The following NSUN2 variants were observed in gnomAD, a reference collection of about 807,000 sequenced individuals.
NSUN2 encodes NOP2/Sun RNA methyltransferase 2.
In NSUN2, 63 loss-of-function variants were observed where a neutral mutation model predicts 92.7. The observed-to-expected ratio is 0.68, with a 90% CI of 0.56 to 0.84. NSUN2 has a LOEUF of 0.84. Ranked by LOEUF, NSUN2 falls within the 40% of genes least tolerant of loss-of-function variation. The pLI, the probability that NSUN2 is intolerant of heterozygous loss-of-function variation, is 0.00. For synonymous variants in NSUN2, 356 were observed against 348.3 expected, an observed-to-expected ratio of 1.02 and a Z score of -0.25; for missense variants, 989 against 964.9, an observed-to-expected ratio of 1.02 and a Z score of -0.33.
intron 9 of NSUN2, among the ~76,000 whole-genome samples, chr5:6,613,596 A>G (rs930962588): frequency 5.9e-5 from 9 of 152,224 alleles, no homozygotes; most frequent in African/African-American, 2.2e-4. Flanking sequence ...AACAAAGCTC[A>G]ACTGCATGCC....
chr5:6,622,037 CG>C lies in NSUN2; in HGVS notation c.600del (p.Asp201ThrfsTer2). The C allele has an allele frequency of 6.2e-7, 1 of 1,613,964 alleles. No homozygotes were observed. The highest frequency in any genetic ancestry group is 1.1e-5 in the South Asian group (1 of 91,072). On this transcript the variant is annotated frameshift_variant, in exon 6 of 19. Transcript: ENST00000264670. LOFTEE classifies it high-confidence loss of function. ...ATACCTGGAAAGGGGACATTCATGTCGGCATGTAGCATTTCAATTAACTGTG... is the reference window on the plus strand; with the variant it reads ...ATACCTGGAAAGGGGACATTCATGTCGCATGTAGCATTTCAATTAACTGTG... ...KTTQLIEMLH[A>X]DMNVPFPEGF...
Position 6,632,059 on chromosome 5 carries a change from T to C in NSUN2, c.255-82A>G, listed in dbSNP as rs979885034. Reference sequence around the variant, plus strand: ...ATCTTCTTAAATTTAAGACTGCAAGTGTTTTAAAACTAAAACCAACTTTTG... The same window carrying C: ...ATCTTCTTAAATTTAAGACTGCAAGCGTTTTAAAACTAAAACCAACTTTTG... On this transcript the variant is annotated intron_variant, in intron 2 of 18. Coordinates refer to ENST00000264670, the MANE Select transcript of NSUN2 (RefSeq NM_017755.6). The C allele has an allele frequency of 4.2e-6, 5 of 1,189,934 alleles. No homozygotes were observed. In the African/African-American group the frequency reaches 4.6e-5, roughly 11 times the overall value. 73.7% of individuals were successfully genotyped at this position (1,189,934 alleles called of 1,614,324 possible).
chr5:6,626,122 A>G (rs1160611315), intron 3 of NSUN2, among the ~76,000 whole-genome samples: 1 of 152,172 alleles, frequency 6.6e-6, no homozygotes, highest in African/African-American at 2.4e-5. Context: ...TTTAAAAAAT[A>G]TATTTTTCAT....
chr5:6,612,953 C>T (rs1238112882), intron 9 of NSUN2, among the ~76,000 whole-genome samples: 1 of 152,226 alleles, frequency 6.6e-6, no homozygotes, highest in East Asian at 1.9e-4. Context: ...AAATCACCAG[C>T]AACCACCCAC....
Position 6,604,158 on chromosome 5 carries a change from T to TA in NSUN2, c.1936dup (p.Tyr646LeufsTer17). 6.2e-7 allele frequency: 1 copy of TA among 1,614,026 alleles called. No homozygotes were observed. The highest frequency in any genetic ancestry group is 8.5e-7 in the Non-Finnish European group (1 of 1,179,956). The stretch of plus-strand genomic sequence containing the variant: ...CTCACCCAGGTCCTTTGCTTGACTG[T>TA]AGGTCTCACTGCTGAGTTTTCTAAA... On this transcript the variant is annotated frameshift_variant, in exon 17 of 19. Transcript: ENST00000264670. LOFTEE classifies it high-confidence loss of function.
At chr5:6,631,289 G>A (rs1737880042) in intron 3 of NSUN2, among the ~76,000 whole-genome samples, 1 of 152,154 alleles carries the variant, frequency 6.6e-6, no homozygotes, top group South Asian at 2.1e-4. Context: ...TCATACAACT[G>A]AGACTAGAAC....
intron 3 of NSUN2, among the ~76,000 whole-genome samples, chr5:6,626,326 A>T (rs984806209): frequency 2.7e-5 from 4 of 150,822 alleles, no homozygotes; most frequent in Non-Finnish European, 4.4e-5. Context: ...TGTTATTTTT[A>T]TTTTTTTTAT....
chr5:6,625,693 T>C, intron 3 of NSUN2, 24 bp from the exon 4 acceptor site: 1 of 1,535,264 alleles, frequency 6.5e-7, no homozygotes, highest in Non-Finnish European at 9.0e-7. Flanking sequence ...AAGCAAAACA[T>C]TTATGGATTA....
intron 8 of NSUN2, among the ~76,000 whole-genome samples, chr5:6,617,725 T>C (rs1390045488): frequency 6.6e-6 from 1 of 152,278 alleles, no homozygotes; most frequent in East Asian, 1.9e-4. Flanking sequence ...GAAATTTTTA[T>C]AGAAGGCATT....
At chr5:6,625,509 C>T in intron 4 of NSUN2, 55 bp downstream of exon 4, 6 of 1,297,924 alleles carry the variant, frequency 4.6e-6, no homozygotes, top group Admixed American at 1.7e-5. Flanking sequence ...AACTACACTA[C>T]ATCTATGCAT....
rs1737113992 is a variant in NSUN2, at chr5:6,614,094, GGAAAAAAAAAAAAAAAA to G, written c.1022-2313_1022-2297del. ...CTGGGCAACAGAGCGAGACTGTCTC[GGAAAAAAAAAAAAAAAA>G]AAAAAAAAAAACCCACAACACACAC... On this transcript the variant is annotated intron_variant, in intron 9 of 18. Transcript: ENST00000264670. Among the ~76,000 whole-genome samples the G allele has an allele frequency of 3.7e-5, 2 of 53,404 alleles. 1 individual carries two copies. Among genetic ancestry groups the G allele is most frequent in the Non-Finnish European group, 6.9e-5 (2 of 28,972 alleles). The allele number at this position is 53,404 out of a possible 152,430, so 35.0% of individuals were successfully genotyped here.
chr5:6,623,856 C>T (rs1737553287), intron 4 of NSUN2, among the ~76,000 whole-genome samples: 1 of 62,912 alleles, frequency 1.6e-5, no homozygotes. Context: ...ACTCCCTGCC[C>T]TCTGTCTTCT....
chr5:6,617,068 GCT>G (rs1737243857), intron 8 of NSUN2, among the ~76,000 whole-genome samples: 1 of 152,086 alleles, frequency 6.6e-6, no homozygotes, highest in African/African-American at 2.4e-5. Context: ...TATTCTTACT[GCT>G]CTGTTAACCT....
At chr5:6,602,424 G>A (rs1246616172) in intron 18 of NSUN2, 37 bp downstream of exon 18, 1 of 1,598,416 alleles carries the variant, frequency 6.3e-7, no homozygotes, top group Non-Finnish European at 8.6e-7. Flanking sequence ...TAATGACAAG[G>A]CGTGTGTGTC....
At chr5:6,619,278 T>C (rs1185280322) in intron 7 of NSUN2, among the ~76,000 whole-genome samples, 1 of 152,230 alleles carries the variant, frequency 6.6e-6, no homozygotes, top group East Asian at 1.9e-4. Flanking sequence ...GCAAGTTTCA[T>C]ACTGAGTTTT....
intron 17 of NSUN2, 58 bp from the exon 18 acceptor site, chr5:6,602,558 G>C: frequency 6.9e-7 from 1 of 1,452,314 alleles, no homozygotes; most frequent in Admixed American, 1.7e-5. Context: ...TGCATGCGCT[G>C]AGCACATTTC....
At chr5:6,631,849 G>A (rs374193728) in intron 3 of NSUN2, 24 bp downstream of exon 3, 7 of 1,449,666 alleles carry the variant, frequency 4.8e-6, no homozygotes, top group African/African-American at 2.8e-5. Flanking sequence ...ATAAATATTC[G>A]GCATGAAGCA....
chr5:6,616,084 G>A (rs1242772633), intron 9 of NSUN2, among the ~76,000 whole-genome samples: 1 of 152,208 alleles, frequency 6.6e-6, no homozygotes, highest in Non-Finnish European at 1.5e-5. Flanking sequence ...AAAAAAGCAT[G>A]GTGGGGTCCC....
intron 17 of NSUN2, among the ~76,000 whole-genome samples, chr5:6,603,476 G>A (rs1293450504): frequency 6.6e-6 from 1 of 152,186 alleles, no homozygotes; most frequent in Non-Finnish European, 1.5e-5. Context: ...CAGATCACAA[G>A]GTCAGGAGAT....
Sources: gnomAD v4.1 joint callset for allele counts (sites outside exome capture counted in the v4.1 genomes callset) on GRCh38, gnomAD v4.1.1 for gene constraint, MANE v1.5 for transcripts, NCBI Gene and HGNC (gene_info 2026-07-23, HGNC 2026-07-21) for gene names.